The following CLCA4 variants were observed in gnomAD, a reference collection of about 807,000 sequenced individuals.
CLCA4 encodes the protein calcium-activated chloride channel regulator 4.
A neutral mutation model predicts 78.9 loss-of-function variants in CLCA4; 69 were observed. The observed-to-expected ratio is 0.87, with a 90% confidence interval of 0.72 to 1.07. The LOEUF (loss-of-function observed/expected upper bound fraction) is 1.07, where lower values mean the gene tolerates loss of function less well. Ranked by LOEUF, CLCA4 falls within the 50% of genes least tolerant of loss-of-function variation. CLCA4 has a pLI of 0.00. For synonymous variants in CLCA4, 362 were observed against 375.8 expected (o/e 0.96, Z 0.42); for missense variants, 1,133 against 1,095.8 (o/e 1.03, Z -0.48).
intron 11 of CLCA4, among the ~76,000 whole-genome samples, chr1:86,576,173 T>A (rs898094719): frequency 2.0e-5 from 3 of 152,050 alleles, no homozygotes; most frequent in South Asian, 2.1e-4. Flanking sequence ...TTTTTTTGTT[T>A]TTTTGAGATG....
chr1:86,555,561 C>T (rs921853693), intron 1 of CLCA4, among the ~76,000 whole-genome samples: 7 of 152,072 alleles, frequency 4.6e-5, no homozygotes, highest in African/African-American at 1.7e-4. Context: ...TGGTCTAGGC[C>T]TGTTTTTATA....
intron 1 of CLCA4, among the ~76,000 whole-genome samples, chr1:86,550,526 C>T (rs534829975): frequency 9.2e-5 from 14 of 152,062 alleles, no homozygotes; most frequent in Non-Finnish European, 1.9e-4. Flanking sequence ...ACAAAATCTT[C>T]GCGTTTAATA....
At position 86,579,313 on chromosome 1, in the gene CLCA4, A is replaced by T. The variant is rs752802067; in HGVS notation, c.2123-41A>T. On this transcript the variant is annotated intron_variant, in intron 12 of 13. Coordinates refer to ENST00000370563, the MANE Select transcript of CLCA4 (RefSeq NM_012128.4). ...GATTCACTGAATTATAATAAATACC[A>T]GTAGTTTTGCCCATTATAAACCAGG... is the stretch of plus-strand genomic sequence containing the variant. 2.2e-6 allele frequency: 3 copies of T among 1,370,490 alleles called. No homozygotes were observed. In the East Asian group the frequency reaches 6.9e-5, roughly 32 times the overall value. 84.9% of individuals were successfully genotyped at this position (1,370,490 alleles called of 1,614,324 possible). A position where few individuals can be genotyped will look rare whatever the true frequency, so the allele number is the denominator to read the frequency against.
intron 1 of CLCA4, among the ~76,000 whole-genome samples, chr1:86,556,485 T>G (rs764585924): frequency 6.6e-6 from 1 of 152,168 alleles, no homozygotes; most frequent in Non-Finnish European, 1.5e-5. Context: ...GATGAATCAC[T>G]TTTATTGATT....
intron 1 of CLCA4, chr1:86,553,072 TC>T: frequency 1.5e-6 from 1 of 681,632 alleles, no homozygotes; most frequent in Non-Finnish European, 2.6e-6. Context: ...GACCAAGTGG[TC>T]CAGCGGCGCC....
At chr1:86,553,656 C>A (rs923498412) in intron 1 of CLCA4, among the ~76,000 whole-genome samples, 2 of 152,170 alleles carry the variant, frequency 1.3e-5, no homozygotes, top group African/African-American at 4.8e-5. Flanking sequence ...TGTGTCGGCC[C>A]GGGCATGGTG....
At chr1:86,552,800 A>C in intron 1 of CLCA4, 3 of 1,089,848 alleles carry the variant, frequency 2.8e-6, no homozygotes, top group Non-Finnish European at 4.2e-6. Context: ...TCCACGCCTG[A>C]AAACAGCTCT....
At position 86,567,519 on chromosome 1, in the gene CLCA4, T is replaced by C; in HGVS notation, c.1050T>C (p.Asp350=). 6.2e-7 allele frequency: 1 copy of C among 1,613,244 alleles called. No homozygotes were observed. Among genetic ancestry groups the C allele is most frequent in the East Asian group, 2.2e-5 (1 of 44,872 alleles). ...NGSWVGMVHF[D]STATIVNKLI... ...CCTGGGTGGGGATGGTTCACTTTGA[T>C]AGTACTGCCACTATTGTAAATAAGC... is the stretch of plus-strand genomic sequence containing the variant. Residue 350 remains aspartate, a synonymous_variant, in exon 7 of 14, where the codon GAT becomes GAC. Coordinates refer to ENST00000370563, the MANE Select transcript of CLCA4 (RefSeq NM_012128.4).
chr1:86,553,453 C>G, intron 1 of CLCA4: 1 of 359,546 alleles, frequency 2.8e-6, no homozygotes. Flanking sequence ...GCTGTCGAAG[C>G]CTTTGTCACG....
chr1:86,548,039 T>C (rs1260823893), intron 1 of CLCA4, among the ~76,000 whole-genome samples: 1 of 152,216 alleles, frequency 6.6e-6, no homozygotes, highest in African/African-American at 2.4e-5. Context: ...TTTTCCATAA[T>C]GGCTGTATCA....
intron 3 of CLCA4, among the ~76,000 whole-genome samples, chr1:86,562,335 A>C (rs1164654793): frequency 6.6e-6 from 1 of 152,152 alleles, no homozygotes; most frequent in African/African-American, 2.4e-5. Flanking sequence ...TTTCTACTGA[A>C]CGTTCTAATT....
At chr1:86,572,073 T>C (rs1169774926) in intron 8 of CLCA4, among the ~76,000 whole-genome samples, 1 of 152,040 alleles carries the variant, frequency 6.6e-6, no homozygotes, top group African/African-American at 2.4e-5. Flanking sequence ...TGGATTTATC[T>C]CTCTTGCTTT....
At chr1:86,555,740 T>C (rs539498338) in intron 1 of CLCA4, among the ~76,000 whole-genome samples, 12 of 152,222 alleles carry the variant, frequency 7.9e-5, no homozygotes, top group Non-Finnish European at 1.5e-4. Context: ...TGAAAAATGT[T>C]GTTGCTAGTT....
rs377046751 is a variant in CLCA4 at position 86,560,245 on chromosome 1, G to C, written c.335G>C (p.Gly112Ala). 6.2e-7 allele frequency: 1 copy of C among 1,613,672 alleles called. No homozygotes were observed. The highest frequency in any genetic ancestry group is 1.3e-5 in the African/African-American group (1 of 74,854). ...ATAGTTGCACCACCTACACTCCCAG[G>C]TAGAGATGAACCATACACCAAGCAG... ...DVIVAPPTLPGRDEPYTKQFT... is the reference protein window; with the variant it reads ...DVIVAPPTLPARDEPYTKQFT... Residue 112 changes from glycine to alanine, a missense_variant, in exon 3 of 14, where the codon GGT (glycine) becomes GCT (alanine). Gly to Ala is a moderately conservative substitution (Grantham distance 60, BLOSUM62 0). Coordinates refer to ENST00000370563, the MANE Select transcript of CLCA4 (RefSeq NM_012128.4).
Position 86,560,360 on chromosome 1 carries a change from T to C in CLCA4, c.448+2T>C. 1 of 1,613,256 alleles carries C rather than the reference T, an allele frequency of 6.2e-7. No homozygotes were observed. The highest frequency in any genetic ancestry group is 1.1e-5 in the South Asian group (1 of 90,982). On this transcript the variant is annotated splice_donor_variant, in intron 3 of 13. Transcript: ENST00000370563. LOFTEE classifies it high-confidence loss of function. ...AACAAAATGAATATGGACCACCAGG[T>C]AGAAATTTTGGTTAAAAAATAATTT...
At chr1:86,558,592 G>A (rs879796955) in intron 1 of CLCA4, among the ~76,000 whole-genome samples, 6 of 152,140 alleles carry the variant, frequency 3.9e-5, no homozygotes, top group Admixed American at 2.6e-4. Context: ...CAGCATGGCA[G>A]GGAGGCCTCA....
intron 11 of CLCA4, among the ~76,000 whole-genome samples, chr1:86,576,822 C>T (rs1353211917): frequency 6.6e-6 from 1 of 151,958 alleles, no homozygotes; most frequent in Non-Finnish European, 1.5e-5. Flanking sequence ...CAACGTTGGC[C>T]ATTATCTGTC....
intron 1 of CLCA4, among the ~76,000 whole-genome samples, chr1:86,557,580 G>A (rs1405241938): frequency 1.3e-5 from 2 of 152,160 alleles, no homozygotes; most frequent in African/African-American, 4.8e-5. Flanking sequence ...TTGTGAATGT[G>A]TTTAGTATGA....
At position 86,578,083 on chromosome 1, in the gene CLCA4, C is replaced by A; in HGVS notation, c.2122+11C>A. On this transcript the variant is annotated intron_variant, in intron 12 of 13. Transcript: ENST00000370563. ...GCTGGGTAGTGAACGGTGAGTAACTCATGATATTTATAATCCAGTGATAGT... is the reference window on the plus strand; with the variant it reads ...GCTGGGTAGTGAACGGTGAGTAACTAATGATATTTATAATCCAGTGATAGT... The A allele has an allele frequency of 6.2e-7, 1 of 1,601,560 alleles. No individual in the cohort carries two copies. The highest frequency in any genetic ancestry group is 8.5e-7 in the Non-Finnish European group (1 of 1,173,434).
Sources: allele counts gnomAD v4.1 joint callset (sites outside exome capture counted in the v4.1 genomes callset), GRCh38; gene constraint gnomAD v4.1.1; transcripts MANE v1.5; gene names NCBI Gene and HGNC (gene_info 2026-07-23, HGNC 2026-07-21).